The following GRM7 variants were observed in gnomAD, a reference collection of about 807,000 sequenced individuals.
The protein encoded by GRM7 is glutamate metabotropic receptor 7, also known as metabotropic glutamate receptor 7.
In GRM7, 35 loss-of-function variants were observed where a neutral mutation model predicts 84.5. That is an observed-to-expected ratio of 0.41 (90% CI 0.32 to 0.55). The LOEUF (loss-of-function observed/expected upper bound fraction) is 0.55. Ranked by LOEUF, GRM7 falls within the 20% of genes least tolerant of loss-of-function variation. GRM7 has a pLI of 0.19. For missense variants in GRM7, 1,003 were observed against 1,194.6 expected (o/e 0.84, Z 2.36); for synonymous variants, 487 against 455.1 (o/e 1.07, Z -0.89).
intron 7 of GRM7, among the ~76,000 whole-genome samples, chr3:7,480,246 T>C (rs746279847): frequency 6.6e-6 from 1 of 151,982 alleles, no homozygotes; most frequent in African/African-American, 2.4e-5. Context: ...GATAGAAGAG[T>C]TGGGGACTTC....
intron 2 of GRM7, among the ~76,000 whole-genome samples, chr3:7,153,009 G>A (rs1456459086): frequency 4.6e-5 from 7 of 152,048 alleles, no homozygotes; most frequent in Admixed American, 4.6e-4. Flanking sequence ...AACAGCAGTA[G>A]CAGTAAAAAC....
chr3:7,263,049 G>A (rs1698494960), intron 2 of GRM7, among the ~76,000 whole-genome samples: 1 of 152,112 alleles, frequency 6.6e-6, no homozygotes, highest in Non-Finnish European at 1.5e-5. Flanking sequence ...CATTTTTGTG[G>A]GCTGATTTTC....
chr3:7,076,372 A>C (rs186671478), intron 1 of GRM7, among the ~76,000 whole-genome samples: 1 of 152,106 alleles, frequency 6.6e-6, no homozygotes, highest in African/African-American at 2.4e-5. Flanking sequence ...AGGTGATTGG[A>C]TCATGAGGAC....
chr3:7,063,107 AT>A (rs547566038), intron 1 of GRM7, among the ~76,000 whole-genome samples: 99 of 151,706 alleles, frequency 6.5e-4, no homozygotes, highest in African/African-American at 2.1e-3. Flanking sequence ...TGAATGTCAT[AT>A]TTTTAAACAT....
chr3:7,403,726 A>C (rs1695554038), intron 4 of GRM7, among the ~76,000 whole-genome samples: 1 of 65,348 alleles, frequency 1.5e-5, no homozygotes, highest in Non-Finnish European at 3.0e-5. Flanking sequence ...TGTATAGATG[A>C]GAATATCTGT....
At chr3:7,222,291 A>C (rs2124877645) in intron 2 of GRM7, among the ~76,000 whole-genome samples, 1 of 152,180 alleles carries the variant, frequency 6.6e-6, no homozygotes, top group South Asian at 2.1e-4. Flanking sequence ...TACCTAGATT[A>C]AGGTAGTGCT....
intron 8 of GRM7, chr3:7,608,124 C>T (rs993204252): frequency 4.9e-6 from 1 of 202,918 alleles, no homozygotes; most frequent in African/African-American, 2.3e-5. Context: ...TCTTTATCCA[C>T]TCTGTCACTG....
At chr3:7,123,065 A>G (rs1283830219) in intron 1 of GRM7, among the ~76,000 whole-genome samples, 4 of 152,224 alleles carry the variant, frequency 2.6e-5, no homozygotes, top group African/African-American at 9.6e-5. Context: ...AATCAGAAAC[A>G]TTTCATCTTT....
At chr3:7,173,024 C>T (rs555539288) in intron 2 of GRM7, among the ~76,000 whole-genome samples, 1 of 152,212 alleles carries the variant, frequency 6.6e-6, no homozygotes, top group South Asian at 2.1e-4. Flanking sequence ...TATTTAACCT[C>T]AGAAGAGTCT....
At chr3:6,873,894 G>T (rs754308433) in intron 1 of GRM7, among the ~76,000 whole-genome samples, 1 of 152,214 alleles carries the variant, frequency 6.6e-6, no homozygotes, top group Non-Finnish European at 1.5e-5. Context: ...GGGTGAAAGA[G>T]AGATTGTTTC....
In GRM7 at chr3:7,513,600, T is replaced by TGGAC. The variant is rs538089975; in HGVS notation, c.1515+51879_1515+51882dup. Among the ~76,000 whole-genome samples, 396 of 152,072 alleles carry TGGAC rather than the reference T, an allele frequency of 2.6e-3. 2 individuals carry two copies. The highest frequency in any genetic ancestry group is 9.4e-3 in the African/African-American group (390 of 41,496). On this transcript the variant is annotated intron_variant, in intron 7 of 9. Transcript: ENST00000357716. ...CATTGTATGTTTCAAAATAAAAGAG[T>TGGAC]GGACTTGTGATATTCTTAATGCAAA... is the stretch of plus-strand genomic sequence containing the variant.
intron 1 of GRM7, among the ~76,000 whole-genome samples, chr3:7,119,234 T>TA: frequency 6.6e-6 from 1 of 152,164 alleles, no homozygotes; most frequent in Non-Finnish European, 1.5e-5. Flanking sequence ...TCCCATATGA[T>TA]ACATTCACAT....
At chr3:6,930,954 T>C (rs1287147150) in intron 1 of GRM7, among the ~76,000 whole-genome samples, 1 of 152,228 alleles carries the variant, frequency 6.6e-6, no homozygotes, top group South Asian at 2.1e-4. Flanking sequence ...AAATGTGAAC[T>C]GCCTCCAGTT....
chr3:7,412,089 A>G (rs973360448), intron 4 of GRM7, among the ~76,000 whole-genome samples: 1 of 148,676 alleles, frequency 6.7e-6, no homozygotes, highest in Non-Finnish European at 1.5e-5. Context: ...CTTTTTATTA[A>G]TTGCTTCATT....
intron 7 of GRM7, among the ~76,000 whole-genome samples, chr3:7,498,781 A>C (rs1041333127): frequency 6.6e-6 from 1 of 152,138 alleles, no homozygotes; most frequent in Admixed American, 6.5e-5. Flanking sequence ...GCCCCATATA[A>C]AAATGTATAT....
rs145829497 is a variant in GRM7, at chr3:7,570,228, C to G, written c.1516-8194C>G. Among the ~76,000 whole-genome samples, 146 of 152,226 alleles carry G rather than the reference C, an allele frequency of 9.6e-4. 3 individuals carry two copies. The East Asian group carries it at 0.027, about 28-fold the overall frequency. Reference sequence around the variant, plus strand: ...CTCCCAAATCTCATGTCCTCACATTCCAAAACCAATCAAGCCTTCCCAACA... The same window carrying G: ...CTCCCAAATCTCATGTCCTCACATTGCAAAACCAATCAAGCCTTCCCAACA... On this transcript the variant is annotated intron_variant, in intron 7 of 9. Coordinates refer to ENST00000357716, the MANE Select transcript of GRM7 (RefSeq NM_000844.4).
chr3:7,009,863 T>G (rs932619336), intron 1 of GRM7, among the ~76,000 whole-genome samples: 4 of 152,112 alleles, frequency 2.6e-5, no homozygotes, highest in Non-Finnish European at 5.9e-5. Flanking sequence ...TGCAATACAT[T>G]GTAGTGGCTG....
chr3:6,942,153 T>TC (rs1697915870), intron 1 of GRM7, among the ~76,000 whole-genome samples: 1 of 152,002 alleles, frequency 6.6e-6, no homozygotes, highest in Non-Finnish European at 1.5e-5. Context: ...CTTTTTTTTT[T>TC]ATTATCCCTC....
At chr3:7,311,364 G>T (rs914867724) in intron 4 of GRM7, among the ~76,000 whole-genome samples, 2 of 152,084 alleles carry the variant, frequency 1.3e-5, no homozygotes, top group Non-Finnish European at 2.9e-5. Context: ...ACTCATAGGT[G>T]AAATCCCACA....
Sources: gnomAD v4.1 joint callset for allele counts (sites outside exome capture counted in the v4.1 genomes callset) on GRCh38, gnomAD v4.1.1 for gene constraint, MANE v1.5 for transcripts, NCBI Gene and HGNC (gene_info 2026-07-23, HGNC 2026-07-21) for gene names.